Variants in TBC1D22A observed in about 807,000 individuals in gnomAD.
The protein encoded by TBC1D22A is TBC1 domain family member 22A.
A neutral mutation model predicts 60.2 loss-of-function variants in TBC1D22A; 38 were observed. The ratio of observed to expected loss-of-function variants is 0.63; its 90% CI spans 0.49 to 0.83. The LOEUF (loss-of-function observed/expected upper bound fraction) is 0.83, where lower values mean the gene tolerates loss of function less well. Ranked by LOEUF, TBC1D22A falls within the 40% of genes least tolerant of loss-of-function variation. TBC1D22A has a pLI of 0.00. For synonymous variants in TBC1D22A, 302 were observed against 281.7 expected (o/e 1.07, Z -0.72); for missense variants, 628 against 701.0 (o/e 0.90, Z 1.18).
At chr22:46,901,215 T>C (rs933810145) in intron 7 of TBC1D22A, among the ~76,000 whole-genome samples, 2 of 152,216 alleles carry the variant, frequency 1.3e-5, no homozygotes, top group African/African-American at 2.4e-5. Flanking sequence ...CAGGATTAAG[T>C]TTGCTAACAT....
chr22:46,960,774 G>C (rs1039686790), intron 8 of TBC1D22A, among the ~76,000 whole-genome samples: 1 of 151,944 alleles, frequency 6.6e-6, no homozygotes, highest in Admixed American at 6.6e-5. Context: ...GTGAAACGCT[G>C]TCTCGACTAA....
At chr22:47,046,658 C>G (rs1422870446) in intron 11 of TBC1D22A, among the ~76,000 whole-genome samples, 3 of 152,168 alleles carry the variant, frequency 2.0e-5, no homozygotes, top group African/African-American at 4.8e-5. Context: ...GGGCTGAACA[C>G]GAAACATACC....
chr22:46,840,708 G>C (rs1373937983), intron 4 of TBC1D22A, among the ~76,000 whole-genome samples: 1 of 151,970 alleles, frequency 6.6e-6, no homozygotes, highest in Admixed American at 6.6e-5. Context: ...ACTCCAGCCT[G>C]GGTGGCAGAG....
intron 10 of TBC1D22A, among the ~76,000 whole-genome samples, chr22:47,003,986 A>T (rs2061492977): frequency 6.8e-6 from 1 of 147,076 alleles, no homozygotes; most frequent in South Asian, 2.2e-4. Context: ...CTACGCACAC[A>T]TGCCTGTATA....
chr22:47,157,029 T>TGGCCCTCCATAG (rs1349962067), intron 12 of TBC1D22A, among the ~76,000 whole-genome samples: 1 of 152,196 alleles, frequency 6.6e-6, no homozygotes, highest in African/African-American at 2.4e-5. Context: ...CTGGGCCCTA[T>TGGCCCTCCATAG]GGAGGGGCAG....
chr22:46,783,239 T>C (rs1395818066), intron 1 of TBC1D22A, among the ~76,000 whole-genome samples: 1 of 152,214 alleles, frequency 6.6e-6, no homozygotes, highest in East Asian at 1.9e-4. Context: ...CTGTTTACAG[T>C]GTCAAAAGAA....
At chr22:47,010,019 C>T (rs969016595) in intron 10 of TBC1D22A, among the ~76,000 whole-genome samples, 24 of 152,242 alleles carry the variant, frequency 1.6e-4, no homozygotes, top group African/African-American at 5.1e-4. Context: ...AAAATGCCAA[C>T]AAAACGCGGT....
chr22:47,012,613 C>A (rs1322111426), intron 10 of TBC1D22A, among the ~76,000 whole-genome samples: 1 of 152,182 alleles, frequency 6.6e-6, no homozygotes, highest in East Asian at 1.9e-4. Flanking sequence ...TCCTGCATTC[C>A]TTCCAATTTC....
At chr22:47,132,572 G>A (rs1320043653) in intron 12 of TBC1D22A, among the ~76,000 whole-genome samples, 2 of 152,210 alleles carry the variant, frequency 1.3e-5, no homozygotes. Flanking sequence ...GACCCCACAG[G>A]ACATGAGCTG....
intron 8 of TBC1D22A, among the ~76,000 whole-genome samples, chr22:46,929,370 A>G (rs1002149563): frequency 6.6e-5 from 10 of 152,218 alleles, no homozygotes; most frequent in African/African-American, 2.2e-4. Context: ...GAAAGAAATG[A>G]ATACGTATAT....
intron 4 of TBC1D22A, among the ~76,000 whole-genome samples, chr22:46,837,670 T>C (rs2086581013): frequency 6.6e-6 from 1 of 152,134 alleles, no homozygotes; most frequent in Non-Finnish European, 1.5e-5. Context: ...AAAGAAATCT[T>C]GAGGCAAATG....
intron 8 of TBC1D22A, among the ~76,000 whole-genome samples, chr22:46,940,114 A>G (rs990343102): frequency 7.2e-5 from 11 of 152,232 alleles, no homozygotes; most frequent in African/African-American, 2.7e-4. Context: ...ACTGTCATCT[A>G]TTAAGTGTGC....
At chr22:46,869,887 A>G (rs980456334) in intron 4 of TBC1D22A, among the ~76,000 whole-genome samples, 1 of 152,240 alleles carries the variant, frequency 6.6e-6, no homozygotes, top group African/African-American at 2.4e-5. Context: ...AGGTTCTTAT[A>G]ATTAGGAGTT....
intron 12 of TBC1D22A, among the ~76,000 whole-genome samples, chr22:47,134,238 G>A (rs1462932757): frequency 3.3e-5 from 5 of 152,246 alleles, no homozygotes; most frequent in African/African-American, 1.2e-4. Context: ...TAAACTCGGA[G>A]AAGCTCATCC....
chr22:46,770,569 C>T (rs1004585255), intron 1 of TBC1D22A, among the ~76,000 whole-genome samples: 2 of 152,232 alleles, frequency 1.3e-5, no homozygotes, highest in Non-Finnish European at 2.9e-5. Context: ...TGGATGTGGG[C>T]AGGAGTACCT....
At chr22:47,049,724 G>A (rs1456610661) in intron 11 of TBC1D22A, among the ~76,000 whole-genome samples, 1 of 152,174 alleles carries the variant, frequency 6.6e-6, no homozygotes, top group East Asian at 1.9e-4. Flanking sequence ...GTGTTAGTTT[G>A]GAGTTTTTGT....
chr22:47,120,392 T>C (rs2066228458), intron 12 of TBC1D22A, among the ~76,000 whole-genome samples: 1 of 152,238 alleles, frequency 6.6e-6, no homozygotes, highest in South Asian at 2.1e-4. Flanking sequence ...CGAAGGCTCC[T>C]TGTCCTCTCC....
chr22:47,167,942 GAAC>G (rs2068269859), intron 12 of TBC1D22A, among the ~76,000 whole-genome samples: 1 of 152,134 alleles, frequency 6.6e-6, no homozygotes, highest in Admixed American at 6.5e-5. Context: ...GTCTGTCTAG[GAAC>G]TTGTCTGTCT....
chr22:47,079,084 C>CA (rs1556117651), intron 11 of TBC1D22A, among the ~76,000 whole-genome samples: 12 of 124,930 alleles, frequency 9.6e-5, no homozygotes, highest in African/African-American at 1.2e-4. Flanking sequence ...GTAGAGCAGA[C>CA]TTTTTTTTTT....
Sources: gnomAD v4.1 joint callset for allele counts (sites outside exome capture counted in the v4.1 genomes callset) on GRCh38, gnomAD v4.1.1 for gene constraint, MANE v1.5 for transcripts, NCBI Gene and HGNC (gene_info 2026-07-23, HGNC 2026-07-21) for gene names.